Variants in PLEKHA6 observed in about 807,000 individuals in gnomAD.
PLEKHA6 encodes pleckstrin homology domain-containing family A member 6.
In PLEKHA6, 60 loss-of-function variants were observed where a neutral mutation model predicts 116.7. The observed-to-expected ratio is 0.51, with a 90% confidence interval of 0.42 to 0.64. The LOEUF (loss-of-function observed/expected upper bound fraction) is 0.64. Among genes scored for constraint, PLEKHA6 ranks in the 30% least tolerant of loss-of-function variants. The pLI is 0.00. For synonymous variants in PLEKHA6, 489 were observed against 556.1 expected (o/e 0.88, Z 1.70); for missense variants, 1,338 against 1,422.7 (o/e 0.94, Z 0.96).
intron 3 of PLEKHA6, among the ~76,000 whole-genome samples, chr1:204,268,918 G>A (rs972691650): frequency 4.6e-5 from 7 of 152,064 alleles, no homozygotes; most frequent in African/African-American, 1.7e-4. Flanking sequence ...TCAGTCTAAG[G>A]GTTTTGATGT....
In PLEKHA6 at chr1:204,223,521, CA is replaced by C; in HGVS notation, c.3095del (p.Leu1032ArgfsTer20). 2 of 1,547,414 alleles carry C rather than the reference CA, an allele frequency of 1.3e-6. No individual in the cohort carries two copies. The highest frequency in any genetic ancestry group is 1.7e-6 in the Non-Finnish European group (2 of 1,144,982). On this transcript the variant is annotated frameshift_variant, in exon 22 of 23. Coordinates refer to ENST00000272203, the MANE Select transcript of PLEKHA6 (RefSeq NM_014935.5). LOFTEE classifies it high-confidence loss of function. The surrounding 1 kb of genome is among the most constrained non-coding windows in gnomAD (Gnocchi z 4.8). The stretch of plus-strand genomic sequence containing the variant: ...CGGCGCCCCGTGGGGATTCAGACGA[CA>C]GGGGGTTTGCTGGAGGAGCCGGGGA... ...PASPAPPANP[L>X]SSESPRGADS... is the part of the protein sequence containing the mutation.
At chr1:204,334,237 G>A (rs766567711) in intron 1 of PLEKHA6, among the ~76,000 whole-genome samples, 14 of 152,164 alleles carry the variant, frequency 9.2e-5, no homozygotes, top group South Asian at 4.1e-4. Flanking sequence ...CCATCACAGC[G>A]GGAGAGCCAA....
At chr1:204,319,298 C>T (rs1344353141) in intron 1 of PLEKHA6, among the ~76,000 whole-genome samples, 1 of 152,210 alleles carries the variant, frequency 6.6e-6, no homozygotes, top group Non-Finnish European at 1.5e-5. Flanking sequence ...TCCAAAATTC[C>T]GTGTCCTATT....
intron 2 of PLEKHA6, 45 bp from the exon 3 acceptor site, chr1:204,273,785 A>C (rs1446535504): frequency 7.7e-7 from 1 of 1,301,766 alleles, no homozygotes; most frequent in African/African-American, 1.4e-5. Context: ...GAGATCCAAG[A>C]AACAATGGAA....
chr1:204,255,685 C>G (rs1261686148), intron 9 of PLEKHA6: 4 of 702,764 alleles, frequency 5.7e-6, no homozygotes, highest in South Asian at 1.5e-5. Flanking sequence ...TCATCCTACC[C>G]GGAGCCCGAG....
chr1:204,303,153 C>T (rs1211736992), intron 1 of PLEKHA6, among the ~76,000 whole-genome samples: 1 of 152,210 alleles, frequency 6.6e-6, no homozygotes, highest in African/African-American at 2.4e-5. Flanking sequence ...TGACCCATCA[C>T]TATCTAGAAA....
chr1:204,253,521 C>CA (rs896185395), intron 9 of PLEKHA6, among the ~76,000 whole-genome samples: 6 of 151,596 alleles, frequency 4.0e-5, no homozygotes, highest in Admixed American at 1.3e-4. Flanking sequence ...GACTCCTTCT[C>CA]AAAAAAAAGA....
chr1:204,228,919 C>G lies in PLEKHA6; in HGVS notation c.2751+18G>C. On this transcript the variant is annotated intron_variant, in intron 19 of 22. Transcript: ENST00000272203. The surrounding 1 kb of genome is among the most constrained non-coding windows in gnomAD (Gnocchi z 4.0). ...CTTCCCAGAGTCTCCCACTACAGCCCTTCCTGGCTCCACTCACCTCCTTAT... is the reference window on the plus strand; with the variant it reads ...CTTCCCAGAGTCTCCCACTACAGCCGTTCCTGGCTCCACTCACCTCCTTAT... 1 of 1,614,092 alleles carries G rather than the reference C, an allele frequency of 6.2e-7. No individual in the cohort carries two copies. Among genetic ancestry groups the G allele is most frequent in the South Asian group, 1.1e-5 (1 of 91,086 alleles).
At chr1:204,297,723 T>C (rs911094280) in intron 1 of PLEKHA6, 6 of 189,546 alleles carry the variant, frequency 3.2e-5, no homozygotes, top group Non-Finnish European at 4.9e-5. Context: ...GTGGTTATCA[T>C]TGTCTCAACC....
chr1:204,308,839 C>T (rs1051107301), intron 1 of PLEKHA6, among the ~76,000 whole-genome samples: 9 of 151,866 alleles, frequency 5.9e-5, no homozygotes, highest in Non-Finnish European at 8.8e-5. Context: ...CAGGCACCCA[C>T]CATCACGCCC....
intron 22 of PLEKHA6, among the ~76,000 whole-genome samples, chr1:204,222,985 G>A (rs185538251): frequency 3.1e-3 from 467 of 152,364 alleles, no homozygotes; most frequent in Non-Finnish European, 5.2e-3. Context: ...CTAGGGGCAA[G>A]GGAAGGGTTC....
intron 1 of PLEKHA6, among the ~76,000 whole-genome samples, chr1:204,347,424 C>G (rs965561964): frequency 6.6e-6 from 1 of 151,408 alleles, no homozygotes; most frequent in Non-Finnish European, 1.5e-5. Context: ...TTTCAAGGTG[C>G]CCAGATTTCA....
At chr1:204,280,549 C>A in intron 1 of PLEKHA6, 5 of 726,834 alleles carry the variant, frequency 6.9e-6, no homozygotes, top group South Asian at 6.2e-5. Context: ...ATCCTGAGGA[C>A]GCCTTGGCTT....
chr1:204,232,914 C>T (rs928055834), intron 17 of PLEKHA6, among the ~76,000 whole-genome samples: 1 of 152,118 alleles, frequency 6.6e-6, no homozygotes, highest in Non-Finnish European at 1.5e-5. Context: ...TTGTTCCTTC[C>T]AATTTCTCCT....
chr1:204,362,345 G>A (rs1673578061), upstream of PLEKHA6, among the ~76,000 whole-genome samples: 1 of 152,174 alleles, frequency 6.6e-6, no homozygotes, highest in African/African-American at 2.4e-5. Context: ...AAGCACCTCT[G>A]CGATCCCGTC....
At chr1:204,275,941 C>T (rs535920167) in intron 1 of PLEKHA6, 2 of 152,704 alleles carry the variant, frequency 1.3e-5, no homozygotes, top group Admixed American at 1.3e-4. Context: ...TCAAGCACAC[C>T]CACAGCAAAG....
At chr1:204,301,991 G>A (rs1670870863) in intron 1 of PLEKHA6, among the ~76,000 whole-genome samples, 1 of 152,184 alleles carries the variant, frequency 6.6e-6, no homozygotes, top group African/African-American at 2.4e-5. Context: ...GCCACCTTCA[G>A]CCACTTTTCC....
In PLEKHA6 at chr1:204,254,388, G is replaced by T. The variant is rs186813341; in HGVS notation, c.1524+2965C>A. 1.9e-4 allele frequency among the ~76,000 whole-genome samples: 29 copies of T among 152,296 alleles called. No homozygotes were observed. The East Asian group carries it at 5.2e-3, about 27-fold the overall frequency. On this transcript the variant is annotated intron_variant, in intron 9 of 22. Transcript: ENST00000272203. ...CCGACATGAAGCCCTGGTGAGATGGGTCACATGGCTTGTGACTAGAAGAAC... is the reference window on the plus strand; with the variant it reads ...CCGACATGAAGCCCTGGTGAGATGGTTCACATGGCTTGTGACTAGAAGAAC...
At chr1:204,304,939 G>A (rs965272635) in intron 1 of PLEKHA6, among the ~76,000 whole-genome samples, 14 of 152,302 alleles carry the variant, frequency 9.2e-5, no homozygotes, top group African/African-American at 2.9e-4. Flanking sequence ...CAGGTGTCCA[G>A]TGAGCATCTA....
Sources: gnomAD v4.1 joint callset for allele counts (sites outside exome capture counted in the v4.1 genomes callset) on GRCh38, gnomAD v4.1.1 for gene constraint, Gnocchi (gnomAD v3.1) non-coding constraint, MANE v1.5 for transcripts, NCBI Gene and HGNC (gene_info 2026-07-23, HGNC 2026-07-21) for gene names.